Variants in GUCY1A2 observed in about 807,000 individuals in gnomAD.
GUCY1A2 encodes the protein guanylate cyclase soluble subunit alpha-2.
In GUCY1A2, 27 loss-of-function variants were observed where a neutral mutation model predicts 63.5. The observed-to-expected ratio is 0.43, with a 90% CI of 0.31 to 0.59. GUCY1A2 has a LOEUF of 0.59. GUCY1A2 is among the 20% of genes least tolerant of loss of function. The pLI, the probability that GUCY1A2 is intolerant of heterozygous loss-of-function variation, is 0.11. For missense variants in GUCY1A2, 768 were observed against 913.3 expected (o/e 0.84, Z 2.05); for synonymous variants, 364 against 343.5 (o/e 1.06, Z -0.66).
At chr11:106,816,311 A>G (rs1478162523) in intron 4 of GUCY1A2, among the ~76,000 whole-genome samples, 2 of 151,992 alleles carry the variant, frequency 1.3e-5, no homozygotes, top group Non-Finnish European at 2.9e-5. Flanking sequence ...CTAGAAGTCA[A>G]TAACTGAAAG....
chr11:106,863,705 G>C (rs1180330763), intron 4 of GUCY1A2, among the ~76,000 whole-genome samples: 1 of 152,048 alleles, frequency 6.6e-6, no homozygotes, highest in Non-Finnish European at 1.5e-5. Context: ...GGATAGCATT[G>C]AGTCTATAAT....
intron 6 of GUCY1A2, among the ~76,000 whole-genome samples, chr11:106,726,772 A>G (rs547212974): frequency 6.6e-6 from 1 of 152,314 alleles, no homozygotes; most frequent in African/African-American, 2.4e-5. Context: ...GGATTGGAAT[A>G]AGAGCTAAAG....
chr11:106,882,986 T>C (rs1859846876), intron 4 of GUCY1A2, among the ~76,000 whole-genome samples: 1 of 152,090 alleles, frequency 6.6e-6, no homozygotes, highest in African/African-American at 2.4e-5. Flanking sequence ...GGTCATTTAG[T>C]TAAGTAGCAG....
intron 4 of GUCY1A2, among the ~76,000 whole-genome samples, chr11:106,928,474 C>T (rs1860558233): frequency 6.6e-6 from 1 of 151,934 alleles, no homozygotes; most frequent in African/African-American, 2.4e-5. Flanking sequence ...TTTGACCCCC[C>T]TGTATCTCCA....
intron 6 of GUCY1A2, among the ~76,000 whole-genome samples, chr11:106,743,368 A>G (rs776927746): frequency 7.2e-5 from 11 of 152,242 alleles, no homozygotes; most frequent in Non-Finnish European, 1.3e-4. Flanking sequence ...ACATATGGGT[A>G]TTTAGAAAAA....
intron 6 of GUCY1A2, among the ~76,000 whole-genome samples, chr11:106,744,715 CA>C (rs1400068795): frequency 6.6e-6 from 1 of 152,004 alleles, no homozygotes; most frequent in African/African-American, 2.4e-5. Context: ...CCCCAACATT[CA>C]AAAATAGTAA....
At chr11:106,741,534 G>C (rs1048790982) in intron 6 of GUCY1A2, among the ~76,000 whole-genome samples, 1 of 152,142 alleles carries the variant, frequency 6.6e-6, no homozygotes, top group Non-Finnish European at 1.5e-5. Context: ...ATGGAGCTTG[G>C]GAGAACAGGT....
At chr11:106,770,819 G>T (rs1864242808) in intron 6 of GUCY1A2, among the ~76,000 whole-genome samples, 1 of 113,304 alleles carries the variant, frequency 8.8e-6, no homozygotes, top group South Asian at 3.5e-4. Flanking sequence ...TAATACTAAT[G>T]TGTTTAGCAA....
intron 3 of GUCY1A2, among the ~76,000 whole-genome samples, chr11:106,962,267 T>C (rs1269372260): frequency 6.6e-6 from 1 of 151,994 alleles, no homozygotes; most frequent in African/African-American, 2.4e-5. Flanking sequence ...AATGTGTATA[T>C]GGGGCTGGGT....
chr11:106,895,598 G>A (rs1860036349), intron 4 of GUCY1A2, among the ~76,000 whole-genome samples: 1 of 152,106 alleles, frequency 6.6e-6, no homozygotes, highest in Non-Finnish European at 1.5e-5. Flanking sequence ...ACATACCTTT[G>A]TTCCTGCTTC....
chr11:106,842,964 TCTC>T (rs1173856348), intron 4 of GUCY1A2, among the ~76,000 whole-genome samples: 13 of 151,892 alleles, frequency 8.6e-5, no homozygotes, highest in Admixed American at 8.5e-4. Flanking sequence ...CTCAAGAACT[TCTC>T]CTGCATCTTT....
At chr11:106,865,915 C>A (rs1164503427) in intron 4 of GUCY1A2, among the ~76,000 whole-genome samples, 1 of 151,260 alleles carries the variant, frequency 6.6e-6, no homozygotes, top group Non-Finnish European at 1.5e-5. Context: ...TATAAAAATG[C>A]ATATGGAAAT....
intron 3 of GUCY1A2, among the ~76,000 whole-genome samples, chr11:106,941,594 C>T (rs1467584720): frequency 1.3e-5 from 2 of 152,196 alleles, no homozygotes; most frequent in African/African-American, 2.4e-5. Context: ...ACTTTGCTAG[C>T]GCCCCATTAG....
intron 4 of GUCY1A2, among the ~76,000 whole-genome samples, chr11:106,938,731 G>T (rs1471046): frequency 0.37 from 55,443 of 151,844 alleles, 10,998 homozygotes; most frequent in Non-Finnish European, 0.45. Flanking sequence ...TATTTTACCT[G>T]AGGGACAAAA....
intron 3 of GUCY1A2, among the ~76,000 whole-genome samples, chr11:106,956,721 AG>A (rs1253451344): frequency 6.6e-6 from 1 of 152,174 alleles, no homozygotes. Flanking sequence ...ACTCCTGTAT[AG>A]GGTGTCTGAC....
intron 6 of GUCY1A2, among the ~76,000 whole-genome samples, chr11:106,725,579 A>T (rs1863394134): frequency 6.6e-6 from 1 of 152,188 alleles, no homozygotes; most frequent in Non-Finnish European, 1.5e-5. Flanking sequence ...AGTTAATTTA[A>T]TCACGTAAAG....
At chr11:106,894,190 G>T (rs1292666376) in intron 4 of GUCY1A2, among the ~76,000 whole-genome samples, 2 of 152,152 alleles carry the variant, frequency 1.3e-5, no homozygotes, top group African/African-American at 2.4e-5. Flanking sequence ...AGTAAGTAAA[G>T]TTATCAGGGA....
chr11:106,683,662 ACAGAATGGAGTAAGAAAGGGTC>A lies in GUCY1A2; in HGVS notation c.*3865_*3886del. On this transcript the variant is annotated 3_prime_UTR_variant, in exon 8 of 8. Coordinates refer to ENST00000526355, the MANE Select transcript of GUCY1A2 (RefSeq NM_000855.3). ...TGAGGGGGTGAGATGGTTTCTAGTG[ACAGAATGGAGTAAGAAAGGGTC>A]CAGAATGGACTGAGTCATTCTCAAA... The A allele has an allele frequency of 4.4e-6, 1 of 226,536 alleles. No homozygotes were observed. Among genetic ancestry groups the A allele is most frequent in the Non-Finnish European group, 8.8e-6 (1 of 113,730 alleles). 14.0% of individuals were successfully genotyped at this position (226,536 alleles called of 1,614,324 possible).
At chr11:106,890,861 T>C (rs1419499872) in intron 4 of GUCY1A2, among the ~76,000 whole-genome samples, 1 of 152,146 alleles carries the variant, frequency 6.6e-6, no homozygotes, top group Admixed American at 6.6e-5. Flanking sequence ...ATAGAGAACA[T>C]TATAATGTTA....
Sources: gnomAD v4.1 joint callset for allele counts (sites outside exome capture counted in the v4.1 genomes callset) on GRCh38, gnomAD v4.1.1 for gene constraint, MANE v1.5 for transcripts, NCBI Gene and HGNC (gene_info 2026-07-23, HGNC 2026-07-21) for gene names.